The following TTC34 variants were observed in gnomAD, a reference collection of about 807,000 sequenced individuals.
The protein encoded by TTC34 is tetratricopeptide repeat protein 34.
In TTC34, 44 loss-of-function variants were observed where a neutral mutation model predicts 40.7. That is an observed-to-expected ratio of 1.08 (90% CI 0.85 to 1.39). The LOEUF is 1.39. Among genes scored for constraint, TTC34 ranks in the 40% most tolerant of loss-of-function variants. The pLI, the probability that TTC34 is intolerant of heterozygous loss-of-function variation, is 0.00. For synonymous variants in TTC34, 422 were observed against 398.6 expected, an observed-to-expected ratio of 1.06 and a Z score of -0.70; for missense variants, 884 against 838.0, an observed-to-expected ratio of 1.05 and a Z score of -0.68.
chr1:2,789,160 G>A (rs1337484557), intron 3 of TTC34, among the ~76,000 whole-genome samples: 5 of 152,140 alleles, frequency 3.3e-5, no homozygotes, highest in Non-Finnish European at 7.3e-5. Flanking sequence ...AGGTCGGGGC[G>A]GTGCTGCCGG....
At chr1:2,651,338 T>C (rs762420312) in intron 6 of TTC34, among the ~76,000 whole-genome samples, 4 of 151,878 alleles carry the variant, frequency 2.6e-5, no homozygotes, top group Non-Finnish European at 4.4e-5. Flanking sequence ...TCTGACAGCA[T>C]TGAATGGCAC....
At chr1:2,764,548 G>A (rs1641742971) in intron 6 of TTC34, among the ~76,000 whole-genome samples, 1 of 147,176 alleles carries the variant, frequency 6.8e-6, no homozygotes, top group Non-Finnish European at 1.5e-5. Flanking sequence ...ACACCCCCAG[G>A]TGAGCATCTG....
intron 2 of TTC34, among the ~76,000 whole-genome samples, chr1:2,792,731 C>A (rs184036297): frequency 9.2e-5 from 14 of 152,304 alleles, no homozygotes; most frequent in Non-Finnish European, 1.9e-4. Context: ...TGCTGCACCC[C>A]CTCTGTGGCT....
At chr1:2,782,939 A>C (rs922391088) in intron 6 of TTC34, among the ~76,000 whole-genome samples, 7 of 152,206 alleles carry the variant, frequency 4.6e-5, no homozygotes, top group African/African-American at 1.7e-4. Flanking sequence ...AATGCAGTGC[A>C]GTTGCAAGCA....
At chr1:2,768,562 C>T (rs1159048950) in intron 6 of TTC34, among the ~76,000 whole-genome samples, 2 of 151,904 alleles carry the variant, frequency 1.3e-5, no homozygotes, top group Non-Finnish European at 2.9e-5. Flanking sequence ...ATCTGATAGC[C>T]TGGATAGGCA....
At chr1:2,791,151 G>C (rs992070596) in intron 2 of TTC34, among the ~76,000 whole-genome samples, 1 of 143,656 alleles carries the variant, frequency 7.0e-6, no homozygotes, top group Non-Finnish European at 1.5e-5. Context: ...CCCCACCCCA[G>C]TGTGTCTGAG....
At chr1:2,793,305 T>G (rs1447680299) in intron 2 of TTC34, among the ~76,000 whole-genome samples, 2 of 152,240 alleles carry the variant, frequency 1.3e-5, no homozygotes, top group Non-Finnish European at 1.5e-5. Context: ...TTTCCTCTTT[T>G]GGGGAATGCT....
intron 6 of TTC34, among the ~76,000 whole-genome samples, chr1:2,751,704 G>C (rs1641326258): frequency 6.7e-6 from 1 of 149,738 alleles, no homozygotes; most frequent in African/African-American, 2.5e-5. Context: ...GCGAGCATCC[G>C]ACAGCCTGGA....
intron 1 of TTC34, among the ~76,000 whole-genome samples, chr1:2,801,177 G>C (rs1009566620): frequency 6.6e-6 from 1 of 152,128 alleles, no homozygotes; most frequent in South Asian, 2.1e-4. Context: ...TGTCGGGAGG[G>C]TTACGGTGGC....
intron 6 of TTC34, among the ~76,000 whole-genome samples, chr1:2,748,792 A>C (rs1234814564): frequency 1.7e-4 from 19 of 114,018 alleles, no homozygotes; most frequent in South Asian, 3.1e-4. Context: ...CCTGGAGCGG[A>C]ACCCACACCC....
At chr1:2,650,951 C>T (rs1337108404) in intron 6 of TTC34, among the ~76,000 whole-genome samples, 1 of 151,522 alleles carries the variant, frequency 6.6e-6, no homozygotes, top group East Asian at 2.0e-4. Context: ...CCCAACCCCC[C>T]AGGTGAGCAT....
chr1:2,647,643 AT>A (rs1010035850), intron 6 of TTC34, among the ~76,000 whole-genome samples: 1 of 150,948 alleles, frequency 6.6e-6, no homozygotes, highest in African/African-American at 2.4e-5. Context: ...CTTCTAGAAA[AT>A]TTTTTTTTCT....
At chr1:2,643,289 C>G (rs868161087) in intron 8 of TTC34, among the ~76,000 whole-genome samples, 1 of 152,246 alleles carries the variant, frequency 6.6e-6, no homozygotes, top group African/African-American at 2.4e-5. Context: ...CGGGTGGGTC[C>G]CCGTCTCCAG....
chr1:2,790,857 A>T (rs2100631333), intron 2 of TTC34, among the ~76,000 whole-genome samples: 1 of 152,310 alleles, frequency 6.6e-6, no homozygotes, highest in African/African-American at 2.4e-5. Context: ...GTGGGGACCC[A>T]GCCCTTCCCT....
chr1:2,791,004 C>T (rs888992678), intron 2 of TTC34, among the ~76,000 whole-genome samples: 1 of 152,186 alleles, frequency 6.6e-6, no homozygotes, highest in Non-Finnish European at 1.5e-5. Context: ...TAATGATCCA[C>T]GCTCGCAGGG....
intron 6 of TTC34, among the ~76,000 whole-genome samples, chr1:2,683,750 A>T (rs1640190204): frequency 1.4e-5 from 2 of 147,926 alleles, no homozygotes; most frequent in African/African-American, 5.1e-5. Flanking sequence ...AACAGCACCC[A>T]CACCCCCAGG....
intron 6 of TTC34, among the ~76,000 whole-genome samples, chr1:2,652,507 CTGCA>C (rs1639180093): frequency 6.8e-6 from 1 of 146,084 alleles, no homozygotes; most frequent in Non-Finnish European, 1.5e-5. Context: ...ATCTGACGGC[CTGCA>C]ACAGCACCCA....
chr1:2,685,839 G>GCACC (rs1640312437), intron 6 of TTC34, among the ~76,000 whole-genome samples: 1 of 72,774 alleles, frequency 1.4e-5, no homozygotes, highest in African/African-American at 4.6e-5. Flanking sequence ...GCACCCCCAT[G>GCACC]CCCAGGTGAG....
At chr1:2,756,952 G>T (rs1293370846) in intron 6 of TTC34, among the ~76,000 whole-genome samples, 1 of 31,756 alleles carries the variant, frequency 3.1e-5, no homozygotes, top group Non-Finnish European at 6.9e-5. Flanking sequence ...CACACCCCCA[G>T]GTGAGCATCT....
Sources: allele counts gnomAD v4.1 joint callset (sites outside exome capture counted in the v4.1 genomes callset), GRCh38; gene constraint gnomAD v4.1.1; transcripts MANE v1.5; gene names NCBI Gene and HGNC (gene_info 2026-07-23, HGNC 2026-07-21).